CYP24A1: variants seen among roughly 807,000 people sequenced by gnomAD.
CYP24A1 encodes cytochrome P450 family 24 subfamily A member 1.
In CYP24A1, 68 loss-of-function variants were observed where a neutral mutation model predicts 62.4. The observed-to-expected ratio is 1.09, with a 90% CI of 0.90 to 1.33. The LOEUF (loss-of-function observed/expected upper bound fraction) is 1.33, where lower values mean the gene tolerates loss of function less well. Among genes scored for constraint, CYP24A1 ranks in the 40% most tolerant of loss-of-function variants. The pLI is 0.00. For synonymous variants in CYP24A1, 267 were observed against 253.0 expected, an observed-to-expected ratio of 1.06 and a Z score of -0.52; for missense variants, 787 against 653.0, an observed-to-expected ratio of 1.21 and a Z score of -2.24.
chr20:54,161,363 T>G (rs1004844355), intron 7 of CYP24A1, among the ~76,000 whole-genome samples: 1 of 151,972 alleles, frequency 6.6e-6, no homozygotes, highest in African/African-American at 2.4e-5. Flanking sequence ...ACCATCCTGA[T>G]GGCGTCCTCC....
chr20:54,159,102 T>C lies in CYP24A1; in HGVS notation c.1012A>G (p.Ile338Val). ...VETTANSLMW[I>V]LYNLSRNPQV... is the part of the protein sequence containing the mutation. ...GGATTACGGGATAAATTGTAGAGAA[T>C]CCACATTAGACTGTTTGCTGTCTGC... Residue 338 changes from isoleucine to valine, a missense_variant, in exon 8 of 12, where the codon ATT becomes GTT. Ile to Val is a conservative substitution (Grantham distance 29). Coordinates refer to ENST00000216862, the MANE Select transcript of CYP24A1 (RefSeq NM_000782.5). 6.2e-7 allele frequency: 1 copy of C among 1,613,948 alleles called. No homozygotes were observed. Among genetic ancestry groups the C allele is most frequent in the Non-Finnish European group, 8.5e-7 (1 of 1,179,854 alleles).
chr20:54,171,589 G>C lies in CYP24A1; in HGVS notation c.531C>G (p.Asn177Lys), dbSNP rs773174932. Residue 177 changes from asparagine to lysine, a missense_variant, in exon 3 of 12, where the codon AAC becomes AAG. Physicochemically the swap from Asn to Lys is moderately conservative, Grantham distance 94. Coordinates refer to ENST00000216862, the MANE Select transcript of CYP24A1 (RefSeq NM_000782.5). ...MKPGEVMKLDNKINEVLADFM... is the reference protein window; with the variant it reads ...MKPGEVMKLDKKINEVLADFM... ...CCAGCCTGCAGACCTCATTGATTTT[G>C]TTGTCCAGCTTCATCACTTCCCCTG... 6.2e-7 allele frequency: 1 copy of C among 1,613,872 alleles called. No individual in the cohort carries two copies. Among genetic ancestry groups the C allele is most frequent in the Non-Finnish European group, 8.5e-7 (1 of 1,179,856 alleles).
chr20:54,173,218 G>A lies in CYP24A1; in HGVS notation c.258+104C>T, dbSNP rs898994250. 54 of 1,515,842 alleles carry A rather than the reference G, an allele frequency of 3.6e-5. No homozygotes were observed. The highest frequency in any genetic ancestry group is 4.6e-5 in the Non-Finnish European group (51 of 1,100,546). The allele number at this position is 1,515,842 out of a possible 1,614,324, so 93.9% of individuals were successfully genotyped here. A position where few individuals can be genotyped will look rare whatever the true frequency, so the allele number is the denominator to read the frequency against. On this transcript the variant is annotated intron_variant, in intron 1 of 11. Coordinates refer to ENST00000216862, the MANE Select transcript of CYP24A1 (RefSeq NM_000782.5). This position sits in a 1 kb window ranked among gnomAD's most constrained non-coding sequence, Gnocchi z 7.2. ...CGGGGACCCTCCCTGCCCAGACGCC[G>A]AAGCGCACCATGCGCCCGAGGCGCG... is the stretch of plus-strand genomic sequence containing the variant.
rs986387333 is a variant in CYP24A1, at chr20:54,157,183, C to T, written c.1541G>A (p.Arg514Gln). The change falls in exon 11 of 12, where the codon CGA becomes CAA. Residue 514 changes from arginine to glutamine, a missense_variant. Arg to Gln is a conservative substitution (Grantham distance 43). Coordinates refer to ENST00000216862, the MANE Select transcript of CYP24A1 (RefSeq NM_000782.5). ...TAGATGCTCACCTGAGGCGTATTAT[C>T]GCTGGCAAAACGCGATGGGGAGTTC... ...SRELPIAFCQ[R>Q] is the part of the protein sequence containing the mutation. 7.0e-6 allele frequency: 11 copies of T among 1,564,172 alleles called. No individual in the cohort carries two copies. Among genetic ancestry groups the T allele is most frequent in the Admixed American group, 5.0e-5 (3 of 59,890 alleles).
chr20:54,166,060 A>C (rs889394619), intron 4 of CYP24A1, among the ~76,000 whole-genome samples: 3 of 152,248 alleles, frequency 2.0e-5, no homozygotes, highest in Admixed American at 6.5e-5. Context: ...TCATCACCTC[A>C]GAGTGTCATG....
At chr20:54,172,128 G>A (rs1387684022) in intron 2 of CYP24A1, among the ~76,000 whole-genome samples, 1 of 152,076 alleles carries the variant, frequency 6.6e-6, no homozygotes, top group African/African-American at 2.4e-5. Flanking sequence ...TTTTGCCATC[G>A]CCTCCAAATA....
chr20:54,164,693 C>A, intron 5 of CYP24A1, 130 bp from the exon 6 acceptor site: 1 of 1,539,998 alleles, frequency 6.5e-7, no homozygotes, highest in Non-Finnish European at 8.8e-7. Context: ...CAAGGACACC[C>A]CCGGCTCTCT....
rs558399325 is a variant in CYP24A1, at chr20:54,157,611, A to G, written c.1237-26T>C. 22 of 1,344,430 alleles carry G rather than the reference A, an allele frequency of 1.6e-5. No homozygotes were observed. In the African/African-American group the frequency reaches 3.0e-4, roughly 18 times the overall value. 83.3% of individuals were successfully genotyped at this position (1,344,430 alleles called of 1,614,324 possible). On this transcript the variant is annotated intron_variant, in intron 9 of 11. Transcript: ENST00000216862. ...CTAAACACATGCAGAGACACATAGT[A>G]TTTAAAATAACCAGAAGAGACCTTT... is the stretch of plus-strand genomic sequence containing the variant.
rs150155645 is a variant in CYP24A1, at chr20:54,157,194, C to T, written c.1530G>A (p.Ala510=). The part of the protein sequence containing the change: ...TLVPSRELPI[A]FCQR ...CTGAGGCGTATTATCGCTGGCAAAA[C>T]GCGATGGGGAGTTCCCGGCTGGGCA... The change falls in exon 11 of 12, where the codon GCG becomes GCA. Residue 510 remains alanine, a synonymous_variant. Transcript: ENST00000216862. 3.3e-5 allele frequency: 52 copies of T among 1,597,186 alleles called. No homozygotes were observed. Among genetic ancestry groups the T allele is most frequent in the African/African-American group, 4.0e-5 (3 of 74,502 alleles).
chr20:54,146,728 C>T, the CYP24A1 span, among the ~76,000 whole-genome samples: 4 of 152,234 alleles, frequency 2.6e-5, no homozygotes, highest in Admixed American at 6.5e-5. Context: ...ACAACAGATT[C>T]GGGAGGAGAA....
chr20:54,164,083 C>G (rs1257214651), intron 6 of CYP24A1, among the ~76,000 whole-genome samples: 2 of 151,994 alleles, frequency 1.3e-5, no homozygotes, highest in African/African-American at 4.8e-5. Flanking sequence ...TTACAGGTGC[C>G]CACCACCACG....
chr20:54,157,219 ACCAGGGTGCC>A lies in CYP24A1; in HGVS notation c.1495_1504del (p.Gly499CysfsTer74). ...CGCGATGGGGAGTTCCCGGCTGGGC[ACCAGGGTGCC>A]TGAGTGTAGCATCTCAACAGGCTCA... On this transcript the variant is annotated frameshift_variant, in exon 11 of 12. Transcript: ENST00000216862. LOFTEE classifies it high-confidence loss of function. 6.2e-7 allele frequency: 1 copy of A among 1,613,196 alleles called. No homozygotes were observed. The highest frequency in any genetic ancestry group is 1.1e-5 in the South Asian group (1 of 91,036).
At chr20:54,148,135 C>T in the CYP24A1 span, among the ~76,000 whole-genome samples, 3 of 152,082 alleles carry the variant, frequency 2.0e-5, no homozygotes, top group African/African-American at 7.2e-5. Flanking sequence ...TGTGCCCGGC[C>T]TGCACCCAGT....
intron 7 of CYP24A1, 76 bp from the exon 8 acceptor site, chr20:54,159,199 A>G: frequency 2.7e-6 from 3 of 1,129,150 alleles, no homozygotes; most frequent in Non-Finnish European, 4.0e-6. Context: ...AAAAAAGGTG[A>G]TGCCCACCAC....
At chr20:54,151,224 C>T (rs572682788), downstream of CYP24A1, among the ~76,000 whole-genome samples, 1 of 152,138 alleles carries the variant, frequency 6.6e-6, no homozygotes, top group Non-Finnish European at 1.5e-5. Context: ...GGTTCCTCCC[C>T]CTTTTAGACC....
In CYP24A1 at chr20:54,153,565, C is replaced by T. The variant is rs901383884; in HGVS notation, c.*1207G>A. 1.3e-5 allele frequency: 2 copies of T among 152,228 alleles called. No homozygotes were observed. The highest frequency in any genetic ancestry group is 2.4e-5 in the African/African-American group (1 of 41,356). 9.4% of individuals were successfully genotyped at this position (152,228 alleles called of 1,614,324 possible). A position where few individuals can be genotyped will look rare whatever the true frequency, so the allele number is the denominator to read the frequency against. Reference sequence around the variant, plus strand: ...TTTCACAGCAGAGAGAAAGCATATACCTAGATATGTACATATTTATTACAA... The same window carrying T: ...TTTCACAGCAGAGAGAAAGCATATATCTAGATATGTACATATTTATTACAA... On this transcript the variant is annotated 3_prime_UTR_variant, in exon 12 of 12. Coordinates refer to ENST00000216862, the MANE Select transcript of CYP24A1 (RefSeq NM_000782.5).
intron 7 of CYP24A1, among the ~76,000 whole-genome samples, chr20:54,162,418 A>G (rs865808529): frequency 4.3e-5 from 6 of 138,114 alleles, no homozygotes; most frequent in Middle Eastern, 7.5e-3. Context: ...CACTCATCAC[A>G]TCCTACTCTG....
chr20:54,169,343 G>T (rs1294754768), intron 4 of CYP24A1, among the ~76,000 whole-genome samples: 2 of 152,084 alleles, frequency 1.3e-5, no homozygotes, highest in Non-Finnish European at 2.9e-5. Context: ...TTCATTCATT[G>T]TCATATCCCT....
At chr20:54,168,857 TCCTTCCTTCCTTCCTTC>T (rs2092683346) in intron 4 of CYP24A1, among the ~76,000 whole-genome samples, 2 of 38,122 alleles carry the variant, frequency 5.2e-5, no homozygotes, top group Non-Finnish European at 1.0e-4. Context: ...CTTCCTTCCT[TCCTTCCTTCCTTCCTTC>T]CTTCCTTCCT....
Sources: gnomAD v4.1 joint callset for allele counts (sites outside exome capture counted in the v4.1 genomes callset) on GRCh38, gnomAD v4.1.1 for gene constraint, Gnocchi (gnomAD v3.1) non-coding constraint, MANE v1.5 for transcripts, NCBI Gene and HGNC (gene_info 2026-07-23, HGNC 2026-07-21) for gene names.